Variants in DIP2A observed in about 807,000 individuals in gnomAD.
The protein encoded by DIP2A is disco-interacting protein 2 homolog A.
DIP2A carries 85 observed loss-of-function variants against 177.4 expected under a neutral mutation model. The observed-to-expected ratio is 0.48, with a 90% CI of 0.40 to 0.57. The LOEUF is 0.57. DIP2A is among the 20% of genes least tolerant of loss of function. DIP2A has a pLI of 0.00. For missense variants in DIP2A, 1,791 were observed against 2,100.2 expected, an observed-to-expected ratio of 0.85 and a Z score of 2.88; for synonymous variants, 886 against 881.8, an observed-to-expected ratio of 1.00 and a Z score of -0.08.
chr21:46,529,029 A>C (rs1421094341), intron 8 of DIP2A, 63 bp from the exon 9 acceptor site: 3 of 1,125,372 alleles, frequency 2.7e-6, no homozygotes, highest in African/African-American at 1.6e-5. Context: ...TGGTTTCTAC[A>C]TTAAAATGTT....
At chr21:46,534,386 C>G (rs2059476362) in intron 12 of DIP2A, among the ~76,000 whole-genome samples, 199 bp from the exon 13 acceptor site, 1 of 152,138 alleles carries the variant, frequency 6.6e-6, no homozygotes, top group Non-Finnish European at 1.5e-5. Context: ...GGGCACCTGC[C>G]CAAGAGGAGC....
chr21:46,464,504 A>G (rs577200770), intron 1 of DIP2A, among the ~76,000 whole-genome samples: 2 of 152,350 alleles, frequency 1.3e-5, no homozygotes, highest in Admixed American at 6.5e-5. Context: ...ATAACAGAAC[A>G]CCACATATAG....
rs781024429 is a variant in DIP2A, at chr21:46,557,694, T to C, written c.3739T>C (p.Ser1247Pro). Reference protein sequence around the residue: ...SQYKARVTFCSYSVMEMCTKG... With the variant: ...SQYKARVTFCPYSVMEMCTKG... ...GTACAAGGCCCGCGTCACCTTCTGC[T>C]CCTACTCTGTGATGGAGATGTGCAC... Residue 1247 changes from serine to proline, a missense_variant, in exon 31 of 38, where the codon TCC becomes CCC. Coordinates refer to ENST00000417564, the MANE Select transcript of DIP2A (RefSeq NM_015151.4). This position sits in a 1 kb window ranked among gnomAD's most constrained non-coding sequence, Gnocchi z 6.0. 1.2e-6 allele frequency: 2 copies of C among 1,613,570 alleles called. No individual in the cohort carries two copies. The highest frequency in any genetic ancestry group is 1.7e-6 in the Non-Finnish European group (2 of 1,179,808).
In DIP2A at chr21:46,510,087, T is replaced by A. The variant is rs977274256; in HGVS notation, c.904+711T>A. ...ATAAAGGGAAGTTCATTAAGGCATA[T>A]TGACTCACACGATCACAAGGTGAGG... is the stretch of plus-strand genomic sequence containing the variant. On this transcript the variant is annotated intron_variant, in intron 7 of 37. Transcript: ENST00000417564. Among the ~76,000 whole-genome samples, 12 of 152,324 alleles carry A rather than the reference T, an allele frequency of 7.9e-5. No individual in the cohort carries two copies. The East Asian group carries it at 2.3e-3, about 29-fold the overall frequency.
intron 2 of DIP2A, among the ~76,000 whole-genome samples, chr21:46,486,105 A>G (rs1228249713): frequency 6.9e-6 from 1 of 145,508 alleles, no homozygotes; most frequent in East Asian, 2.0e-4. Context: ...CTAAAGAACT[A>G]GTATCCAGAA....
intron 1 of DIP2A, among the ~76,000 whole-genome samples, chr21:46,482,315 C>T (rs770967501): frequency 8.3e-4 from 127 of 152,280 alleles, no homozygotes; most frequent in Non-Finnish European, 1.2e-3. Flanking sequence ...AACAGTGGCT[C>T]CATGAGATCA....
intron 21 of DIP2A, among the ~76,000 whole-genome samples, chr21:46,548,030 T>A (rs1351283226): frequency 6.6e-6 from 1 of 152,132 alleles, no homozygotes; most frequent in Non-Finnish European, 1.5e-5. Flanking sequence ...ACCCTGCCTT[T>A]GAGTAGCCCT....
At chr21:46,476,214 G>C (rs567017087) in intron 1 of DIP2A, among the ~76,000 whole-genome samples, 1 of 151,030 alleles carries the variant, frequency 6.6e-6, no homozygotes, top group South Asian at 2.1e-4. Context: ...CTGCACTCCA[G>C]CCTAGGGGAC....
intron 2 of DIP2A, among the ~76,000 whole-genome samples, chr21:46,486,691 G>T (rs929792051): frequency 6.6e-6 from 1 of 152,214 alleles, no homozygotes; most frequent in Non-Finnish European, 1.5e-5. Context: ...CTGTCCTGTT[G>T]GAGAGGATTC....
chr21:46,509,230 A>G, intron 6 of DIP2A, 27 bp from the exon 7 acceptor site: 1 of 1,600,548 alleles, frequency 6.2e-7, no homozygotes, highest in Non-Finnish European at 8.5e-7. Context: ...TCCTGGCCTC[A>G]GTGCTCCTCT....
chr21:46,536,840 G>C (rs565068577), intron 13 of DIP2A, among the ~76,000 whole-genome samples: 1 of 151,802 alleles, frequency 6.6e-6, no homozygotes, highest in African/African-American at 2.4e-5. Flanking sequence ...GGAGGCGGAG[G>C]TTGCAGTGAG....
chr21:46,509,512 G>A (rs1225048587), intron 7 of DIP2A, 136 bp downstream of exon 7: 2 of 1,097,558 alleles, frequency 1.8e-6, no homozygotes, highest in Admixed American at 3.8e-5. Context: ...GTCACTGGGT[G>A]TAATGGTGAA....
Position 46,459,070 on chromosome 21 carries a change from G to C in DIP2A, c.-62G>C. The C allele has an allele frequency of 7.4e-7, 1 of 1,349,876 alleles. No homozygotes were observed. Among genetic ancestry groups the C allele is most frequent in the Non-Finnish European group, 9.6e-7 (1 of 1,039,566 alleles). 83.6% of individuals were successfully genotyped at this position (1,349,876 alleles called of 1,614,324 possible). A position where few individuals can be genotyped will look rare whatever the true frequency, so the allele number is the denominator to read the frequency against. Reference sequence around the variant, plus strand: ...GAGGGGAGCTACGTAGCCGAGGTTTGCGCTGCCGCCGCCAGGCCCGGTCCG... The same window carrying C: ...GAGGGGAGCTACGTAGCCGAGGTTTCCGCTGCCGCCGCCAGGCCCGGTCCG... On this transcript the variant is annotated 5_prime_UTR_variant, in exon 1 of 38. Coordinates refer to ENST00000417564, the MANE Select transcript of DIP2A (RefSeq NM_015151.4).
At chr21:46,504,075 G>C (rs2057847432) in intron 5 of DIP2A, among the ~76,000 whole-genome samples, 1 of 152,216 alleles carries the variant, frequency 6.6e-6, no homozygotes, top group African/African-American at 2.4e-5. Flanking sequence ...GTGACAGGCA[G>C]GTTTACTCTG....
chr21:46,510,898 G>T (rs974416878), intron 7 of DIP2A, among the ~76,000 whole-genome samples: 3 of 152,140 alleles, frequency 2.0e-5, no homozygotes, highest in Admixed American at 6.5e-5. Flanking sequence ...CTCCCAAAGT[G>T]CTGGGATTAC....
chr21:46,567,725 C>T lies in DIP2A; in HGVS notation c.*103C>T. The T allele has an allele frequency of 4.2e-6, 6 of 1,418,832 alleles. No homozygotes were observed. Among genetic ancestry groups the T allele is most frequent in the Non-Finnish European group, 5.6e-6 (6 of 1,062,410 alleles). 87.9% of individuals were successfully genotyped at this position (1,418,832 alleles called of 1,614,324 possible). On this transcript the variant is annotated 3_prime_UTR_variant, in exon 38 of 38. Coordinates refer to ENST00000417564, the MANE Select transcript of DIP2A (RefSeq NM_015151.4). Reference sequence around the variant, plus strand: ...GCTCACTCACCGGGACTCGCCCTTCCTGTGCTCTTACAGATCCCTCTCAAC... The same window carrying T: ...GCTCACTCACCGGGACTCGCCCTTCTTGTGCTCTTACAGATCCCTCTCAAC...
At chr21:46,459,634 C>G (rs1356368810) in intron 1 of DIP2A, among the ~76,000 whole-genome samples, 2 of 149,446 alleles carry the variant, frequency 1.3e-5, no homozygotes, top group African/African-American at 2.5e-5. Context: ...CCTCCGGACT[C>G]CCGACCCTCA....
At chr21:46,526,811 G>A (rs1335703947) in intron 8 of DIP2A, among the ~76,000 whole-genome samples, 1 of 152,194 alleles carries the variant, frequency 6.6e-6, no homozygotes, top group East Asian at 1.9e-4. Context: ...CGTGTCATCT[G>A]CAAATAATGG....
At chr21:46,560,648 T>TGCAGCTGTACCTGTAGAAG (rs2060632285) in intron 32 of DIP2A, 74 bp from the exon 33 acceptor site, 1 of 1,538,246 alleles carries the variant, frequency 6.5e-7, no homozygotes, top group African/African-American at 1.4e-5. Flanking sequence ...GGAGCTGCCA[T>TGCAGCTGTACCTGTAGAAG]GCAGCTGTAC....
Sources: allele counts gnomAD v4.1 joint callset (sites outside exome capture counted in the v4.1 genomes callset), GRCh38; gene constraint gnomAD v4.1.1; non-coding constraint Gnocchi (gnomAD v3.1); transcripts MANE v1.5; gene names NCBI Gene and HGNC (gene_info 2026-07-23, HGNC 2026-07-21).